Variants in ADAM2 observed in about 807,000 individuals in gnomAD.
ADAM2 encodes the protein ADAM metallopeptidase domain 2.
In ADAM2, 101 loss-of-function variants were observed where a neutral mutation model predicts 99.3. That is an observed-to-expected ratio of 1.02 (90% CI 0.87 to 1.20). The LOEUF is 1.20. ADAM2 is among the 50% of genes most tolerant of loss of function. The pLI is 0.00. For synonymous variants in ADAM2, 323 were observed against 287.6 expected, an observed-to-expected ratio of 1.12 and a Z score of -1.25; for missense variants, 948 against 878.7, an observed-to-expected ratio of 1.08 and a Z score of -1.00.
intron 7 of ADAM2, among the ~76,000 whole-genome samples, chr8:39,805,174 G>T (rs1804386390): frequency 6.6e-6 from 1 of 152,096 alleles, no homozygotes; most frequent in Non-Finnish European, 1.5e-5. Flanking sequence ...ATTCATGAGG[G>T]CTTTGACCTC....
chr8:39,748,698 G>T (rs996555009), intron 18 of ADAM2, among the ~76,000 whole-genome samples: 2 of 152,114 alleles, frequency 1.3e-5, no homozygotes, highest in South Asian at 2.1e-4. Context: ...TCCTTGACCT[G>T]CTGTCTTCCA....
chr8:39,788,942 AT>A (rs1001983380), intron 7 of ADAM2, among the ~76,000 whole-genome samples: 1 of 151,534 alleles, frequency 6.6e-6, no homozygotes, highest in African/African-American at 2.4e-5. Flanking sequence ...TGGAATTTAT[AT>A]TTTTTCCATA....
chr8:39,826,712 G>GA lies in ADAM2; in HGVS notation c.189-1816dup, dbSNP rs578160997. ...CACTCCAGCCTTGGCTACAGAGCGA[G>GA]AAAAAAAAAAAACAAAAAAACCAAA... On this transcript the variant is annotated intron_variant, in intron 3 of 20. Transcript: ENST00000265708. 9.7e-3 allele frequency among the ~76,000 whole-genome samples: 1,190 copies of GA among 122,908 alleles called. 7 individuals are homozygous for GA. Among genetic ancestry groups the GA allele is most frequent in the Non-Finnish European group, 0.014 (829 of 57,200 alleles). The allele number at this position is 122,908 out of a possible 152,430, so 80.6% of individuals were successfully genotyped here.
At chr8:39,745,936 A>C (rs2129582531) in intron 19 of ADAM2, among the ~76,000 whole-genome samples, 1 of 152,174 alleles carries the variant, frequency 6.6e-6, no homozygotes, top group East Asian at 1.9e-4. Flanking sequence ...AAAAGTCCAG[A>C]TTCTTATAAG....
intron 7 of ADAM2, among the ~76,000 whole-genome samples, chr8:39,803,162 A>G (rs1804286480): frequency 6.6e-6 from 1 of 152,220 alleles, no homozygotes; most frequent in Non-Finnish European, 1.5e-5. Flanking sequence ...CTGCAGCATC[A>G]TGATGACTGA....
chr8:39,767,040 T>G lies in ADAM2; in HGVS notation c.1315A>C (p.Met439Leu). The G allele has an allele frequency of 6.2e-7, 1 of 1,613,340 alleles. No individual in the cohort carries two copies. Among genetic ancestry groups the G allele is most frequent in the Non-Finnish European group, 8.5e-7 (1 of 1,179,330 alleles). ...EGPCCENCLF[M>L]SKERMCRPSF... The stretch of plus-strand genomic sequence containing the variant: ...GGCCTACACATTCTTTCTTTTGACA[T>G]AAACTGATGGGATGAGGTAAATGAT... The change falls in exon 14 of 21, where the codon ATG (methionine) becomes CTG (leucine). Residue 439 changes from methionine to leucine, a missense_variant. Met to Leu is a conservative substitution (Grantham distance 15). Coordinates refer to ENST00000265708, the MANE Select transcript of ADAM2 (RefSeq NM_001464.5).
At chr8:39,747,041 G>A (rs577990209) in intron 18 of ADAM2, among the ~76,000 whole-genome samples, 7 of 152,300 alleles carry the variant, frequency 4.6e-5, no homozygotes, top group African/African-American at 1.7e-4. Flanking sequence ...GTTCACCTGT[G>A]AAACCATCTA....
At chr8:39,785,835 T>C (rs989969072) in intron 10 of ADAM2, among the ~76,000 whole-genome samples, 1 of 149,366 alleles carries the variant, frequency 6.7e-6, no homozygotes, top group African/African-American at 2.5e-5. Context: ...AGAAAATAAA[T>C]CATTCTACCA....
chr8:39,824,274 CAAA>C (rs201545294), intron 4 of ADAM2, among the ~76,000 whole-genome samples: 7 of 83,496 alleles, frequency 8.4e-5, no homozygotes, highest in African/African-American at 7.9e-5. Context: ...AACTCTATCT[CAAA>C]AAAAAAAAAA....
chr8:39,796,891 GT>G (rs1197611515), intron 7 of ADAM2, among the ~76,000 whole-genome samples: 2 of 151,586 alleles, frequency 1.3e-5, no homozygotes, highest in East Asian at 1.9e-4. Context: ...TGATGGGGTT[GT>G]TTTTTTTCTT....
intron 20 of ADAM2, 28 bp from the exon 21 acceptor site, chr8:39,744,092 T>G (rs1344343279): frequency 1.3e-5 from 2 of 152,072 alleles, no homozygotes; most frequent in East Asian, 3.9e-4. Flanking sequence ...AAAGTCACCG[T>G]TATCAACAAG....
At chr8:39,831,597 C>T (rs1225338287) in intron 3 of ADAM2, among the ~76,000 whole-genome samples, 3 of 151,826 alleles carry the variant, frequency 2.0e-5, no homozygotes, top group African/African-American at 7.3e-5. Context: ...AGATAAAAAA[C>T]AGAGATAAAA....
intron 14 of ADAM2, among the ~76,000 whole-genome samples, chr8:39,763,682 T>C (rs1311042531): frequency 6.6e-6 from 1 of 152,254 alleles, no homozygotes; most frequent in Non-Finnish European, 1.5e-5. Context: ...CTTATTCTTG[T>C]GCAGCCTGCT....
At chr8:39,827,647 G>A (rs1297882392) in intron 3 of ADAM2, among the ~76,000 whole-genome samples, 1 of 152,102 alleles carries the variant, frequency 6.6e-6, no homozygotes, top group East Asian at 1.9e-4. Flanking sequence ...GAAAAATATT[G>A]CCTGATCTCA....
chr8:39,796,372 C>T (rs1008286309), intron 7 of ADAM2, among the ~76,000 whole-genome samples: 11 of 152,254 alleles, frequency 7.2e-5, no homozygotes, highest in South Asian at 2.1e-4. Flanking sequence ...GACACAATCT[C>T]GTTCCTTTTT....
At chr8:39,758,409 C>T (rs1802230794) in intron 15 of ADAM2, among the ~76,000 whole-genome samples, 4 of 151,362 alleles carry the variant, frequency 2.6e-5, no homozygotes, top group Admixed American at 2.6e-4. Context: ...GAGACAGAGA[C>T]AAAGAGATAG....
intron 7 of ADAM2, among the ~76,000 whole-genome samples, chr8:39,795,754 T>G (rs1563363290): frequency 6.6e-6 from 1 of 152,146 alleles, no homozygotes; most frequent in Non-Finnish European, 1.5e-5. Flanking sequence ...TCTAAATTGA[T>G]TGGTACCTAT....
chr8:39,820,901 G>A (rs1238328186), intron 6 of ADAM2, 101 bp downstream of exon 6: 6 of 655,792 alleles, frequency 9.1e-6, no homozygotes, highest in Non-Finnish European at 1.5e-5. Flanking sequence ...ATATGTTTTG[G>A]TGTTTATGGG....
At chr8:39,756,219 G>T (rs1033396147) in intron 15 of ADAM2, among the ~76,000 whole-genome samples, 1 of 152,038 alleles carries the variant, frequency 6.6e-6, no homozygotes, top group Non-Finnish European at 1.5e-5. Context: ...CTTTTTTTGT[G>T]ATTCCTTCAC....
Sources: allele counts gnomAD v4.1 joint callset (sites outside exome capture counted in the v4.1 genomes callset), GRCh38; gene constraint gnomAD v4.1.1; transcripts MANE v1.5; gene names NCBI Gene and HGNC (gene_info 2026-07-23, HGNC 2026-07-21).